Variants in JARID2 observed in about 807,000 individuals in gnomAD.
The protein encoded by JARID2 is protein Jumonji.
A neutral mutation model predicts 125.6 loss-of-function variants in JARID2; 21 were observed. The observed-to-expected ratio is 0.17, with a 90% CI of 0.12 to 0.24. JARID2 has a LOEUF of 0.24. Ranked by LOEUF, JARID2 falls within the 10% of genes least tolerant of loss-of-function variation. The pLI, the probability that JARID2 is intolerant of heterozygous loss-of-function variation, is 1.00. For synonymous variants in JARID2, 736 were observed against 661.6 expected (o/e 1.11, Z -1.73); for missense variants, 1,303 against 1,639.6 (o/e 0.79, Z 3.55).
chr6:15,520,305 C>A lies in JARID2; in HGVS notation c.*54C>A. On this transcript the variant is annotated 3_prime_UTR_variant, in exon 18 of 18. Coordinates refer to ENST00000341776, the MANE Select transcript of JARID2 (RefSeq NM_004973.4). ...TATATTTTTTTGTAATTATTATATT[C>A]TAGTTTGGAGTACTTGCTGTAGGAT... The A allele has an allele frequency of 7.3e-7, 1 of 1,368,636 alleles. No homozygotes were observed. The allele number at this position is 1,368,636 out of a possible 1,614,324, so 84.8% of individuals were successfully genotyped here. A position where few individuals can be genotyped will look rare whatever the true frequency, so the allele number is the denominator to read the frequency against.
At chr6:15,315,870 A>G (rs1230466918) in intron 1 of JARID2, among the ~76,000 whole-genome samples, 1 of 152,214 alleles carries the variant, frequency 6.6e-6, no homozygotes, top group Non-Finnish European at 1.5e-5. Flanking sequence ...GATTTCAGAC[A>G]TGAGTTTCTC....
chr6:15,280,455 A>T (rs889439774), intron 1 of JARID2, among the ~76,000 whole-genome samples: 1 of 152,170 alleles, frequency 6.6e-6, no homozygotes, highest in Non-Finnish European at 1.5e-5. Context: ...TTCAGCTAAG[A>T]TGTCAGTGAA....
intron 3 of JARID2, among the ~76,000 whole-genome samples, chr6:15,439,253 C>A (rs1200578780): frequency 6.6e-6 from 1 of 152,170 alleles, no homozygotes; most frequent in Non-Finnish European, 1.5e-5. Flanking sequence ...AAAATCTTAT[C>A]ATTGGCTGCT....
At position 15,441,010 on chromosome 6, in the gene JARID2, C is replaced by A. The variant is rs553377785; in HGVS notation, c.324-10996C>A. 3.3e-5 allele frequency among the ~76,000 whole-genome samples: 5 copies of A among 152,228 alleles called. No homozygotes were observed. In the South Asian group the frequency reaches 1.0e-3, roughly 32 times the overall value. On this transcript the variant is annotated intron_variant, in intron 3 of 17. Transcript: ENST00000341776. ...TCACAAATGATTAAGGTCCAGGCAA[C>A]TAAATAAATTTCTGTCAGAGCCCCA...
At chr6:15,517,807 G>A (rs1052462524) in intron 17 of JARID2, among the ~76,000 whole-genome samples, 2 of 152,202 alleles carry the variant, frequency 1.3e-5, no homozygotes, top group Admixed American at 6.5e-5. Context: ...TCTGAGTGGC[G>A]GAACTCCTGG....
chr6:15,426,648 T>C (rs573090419), intron 3 of JARID2, among the ~76,000 whole-genome samples: 4 of 152,316 alleles, frequency 2.6e-5, no homozygotes, highest in East Asian at 1.9e-4. Context: ...CCTTCAGTTA[T>C]AGTAGGGAGT....
intron 1 of JARID2, among the ~76,000 whole-genome samples, chr6:15,313,979 T>C (rs1043510848): frequency 2.6e-5 from 4 of 152,178 alleles, no homozygotes; most frequent in Admixed American, 2.0e-4. Context: ...GTGCTGCTTT[T>C]GTTTTTATCT....
Position 15,504,496 on chromosome 6 carries a change from TC to T in JARID2, c.2449-3del. On this transcript the variant is annotated splice_region_variant and splice_polypyrimidine_tract_variant and intron_variant, in intron 8 of 17. Transcript: ENST00000341776. ...AAGCTTTACTGTTTTTTGTTTTGTT[TC>T]AGGGAAGGTCTGTTTCTCTAACAAC... is the stretch of plus-strand genomic sequence containing the variant. 6.2e-7 allele frequency: 1 copy of T among 1,609,728 alleles called. No individual in the cohort carries two copies. The highest frequency in any genetic ancestry group is 8.5e-7 in the Non-Finnish European group (1 of 1,176,000).
intron 3 of JARID2, among the ~76,000 whole-genome samples, chr6:15,426,938 C>T (rs185276945): frequency 5.3e-4 from 80 of 152,248 alleles, no homozygotes; most frequent in African/African-American, 1.9e-3. Context: ...ATGGGGGGTA[C>T]ATCAGCACCT....
chr6:15,431,770 T>A (rs1766977696), intron 3 of JARID2, among the ~76,000 whole-genome samples: 1 of 152,226 alleles, frequency 6.6e-6, no homozygotes, highest in South Asian at 2.1e-4. Flanking sequence ...CCAGAGAGGT[T>A]CTGTCTCCAG....
At chr6:15,482,499 T>C (rs1434271396) in intron 5 of JARID2, among the ~76,000 whole-genome samples, 1 of 152,234 alleles carries the variant, frequency 6.6e-6, no homozygotes, top group Non-Finnish European at 1.5e-5. Flanking sequence ...TGAAAAATAA[T>C]CATAGTCCAA....
intron 3 of JARID2, among the ~76,000 whole-genome samples, chr6:15,422,452 G>T (rs1479144416): frequency 6.6e-6 from 1 of 152,176 alleles, no homozygotes. Context: ...TCTGAGGTTG[G>T]ATAGCACAGA....
At chr6:15,324,642 G>C (rs10949293) in intron 1 of JARID2, among the ~76,000 whole-genome samples, 1 of 149,934 alleles carries the variant, frequency 6.7e-6, no homozygotes, top group East Asian at 1.9e-4. Flanking sequence ...ACGCCTGGCT[G>C]ATTTTTGTGT....
intron 1 of JARID2, among the ~76,000 whole-genome samples, chr6:15,265,462 G>A (rs1168314205): frequency 2.0e-5 from 3 of 151,866 alleles, no homozygotes; most frequent in East Asian, 1.9e-4. Context: ...GCCCCAAATA[G>A]GTATAGGACT....
chr6:15,511,062 C>T (rs575723018), intron 12 of JARID2, among the ~76,000 whole-genome samples: 6 of 152,322 alleles, frequency 3.9e-5, no homozygotes, highest in African/African-American at 1.4e-4. Flanking sequence ...ATGAGCATCT[C>T]GCAACGCGGA....
intron 1 of JARID2, among the ~76,000 whole-genome samples, chr6:15,263,304 C>T (rs940577392): frequency 1.8e-4 from 28 of 152,068 alleles, no homozygotes; most frequent in Non-Finnish European, 5.9e-5. Flanking sequence ...TAGGTTTTGA[C>T]TTTCTTGTGG....
At chr6:15,403,149 C>T (rs1312383689) in intron 2 of JARID2, among the ~76,000 whole-genome samples, 1 of 152,152 alleles carries the variant, frequency 6.6e-6, no homozygotes, top group East Asian at 1.9e-4. Flanking sequence ...ATGAGCAGTA[C>T]ATTTATGTTC....
chr6:15,503,494 C>T (rs11753936), intron 8 of JARID2, among the ~76,000 whole-genome samples: 21,280 of 152,094 alleles, frequency 0.14, 1,569 homozygotes, highest in African/African-American at 0.16. Flanking sequence ...GGGGACGCTG[C>T]GGTGTCCAGT....
intron 2 of JARID2, among the ~76,000 whole-genome samples, chr6:15,380,854 A>G (rs551160769): frequency 1.3e-5 from 2 of 152,308 alleles, no homozygotes; most frequent in East Asian, 3.9e-4. Flanking sequence ...AAAAAATGTC[A>G]GGTCACATGG....
Sources: gnomAD v4.1 joint callset for allele counts (sites outside exome capture counted in the v4.1 genomes callset) on GRCh38, gnomAD v4.1.1 for gene constraint, MANE v1.5 for transcripts, NCBI Gene and HGNC (gene_info 2026-07-23, HGNC 2026-07-21) for gene names.